COG5: variants seen among roughly 807,000 people sequenced by gnomAD.
COG5 encodes the protein component of oligomeric golgi complex 5.
In COG5, 86 loss-of-function variants were observed where a neutral mutation model predicts 110.4. That is an observed-to-expected ratio of 0.78 (90% CI 0.65 to 0.93). COG5 has a LOEUF of 0.93. Ranked by LOEUF, COG5 falls within the 40% of genes least tolerant of loss-of-function variation. COG5 has a pLI of 0.00. For synonymous variants in COG5, 360 were observed against 334.6 expected (o/e 1.08, Z -0.83); for missense variants, 1,077 against 987.0 (o/e 1.09, Z -1.22).
At chr7:107,224,639 G>A (rs976757804) in intron 19 of COG5, among the ~76,000 whole-genome samples, 7 of 152,228 alleles carry the variant, frequency 4.6e-5, no homozygotes, top group African/African-American at 1.7e-4. Context: ...GCCTCACAAA[G>A]ATCTATACTG....
At chr7:107,233,988 A>G (rs2116434300) in intron 18 of COG5, among the ~76,000 whole-genome samples, 1 of 152,286 alleles carries the variant, frequency 6.6e-6, no homozygotes, top group Admixed American at 6.5e-5. Context: ...ACCATGACAT[A>G]ACAGTAGAAC....
chr7:107,225,044 A>G (rs1248748790), intron 19 of COG5, among the ~76,000 whole-genome samples: 2 of 152,198 alleles, frequency 1.3e-5, no homozygotes, highest in Non-Finnish European at 2.9e-5. Context: ...GTGTGTGTGT[A>G]TGTATGAGGG....
intron 10 of COG5, among the ~76,000 whole-genome samples, chr7:107,345,677 T>C (rs1306825924): frequency 6.6e-6 from 1 of 152,156 alleles, no homozygotes; most frequent in Non-Finnish European, 1.5e-5. Flanking sequence ...GGTAATACTA[T>C]TTTTGTACTG....
intron 21 of COG5, chr7:107,208,449 A>C: frequency 1.0e-6 from 1 of 985,450 alleles, no homozygotes; most frequent in Non-Finnish European, 1.2e-6. Flanking sequence ...GACAAAAATG[A>C]CCAACTTGTT....
chr7:107,236,993 T>C (rs996126877), intron 17 of COG5, among the ~76,000 whole-genome samples: 3 of 152,220 alleles, frequency 2.0e-5, no homozygotes, highest in African/African-American at 4.8e-5. Context: ...TGCTACTCTC[T>C]GGCCTCTCAA....
chr7:107,294,996 TACACATCTATATATAC>T (rs1356716305), intron 12 of COG5, among the ~76,000 whole-genome samples: 20 of 126,384 alleles, frequency 1.6e-4, no homozygotes, highest in African/African-American at 5.9e-4. Flanking sequence ...TACACACATA[TACACATCTATATATAC>T]ACACATATAT....
At chr7:107,434,814 C>CA (rs745891418) in intron 6 of COG5, among the ~76,000 whole-genome samples, 1 of 151,752 alleles carries the variant, frequency 6.6e-6, no homozygotes, top group Non-Finnish European at 1.5e-5. Context: ...ACTAAAAATA[C>CA]AAAAAATTAG....
At chr7:107,334,548 C>T (rs796989514) in intron 10 of COG5, among the ~76,000 whole-genome samples, 15 of 151,744 alleles carry the variant, frequency 9.9e-5, no homozygotes, top group Admixed American at 8.5e-4. Context: ...CAAAAGAAAC[C>T]AGTACTATAT....
chr7:107,370,412 C>T (rs1434014840), intron 8 of COG5, among the ~76,000 whole-genome samples: 1 of 152,130 alleles, frequency 6.6e-6, no homozygotes, highest in East Asian at 1.9e-4. Context: ...TTCCAACAAA[C>T]AAGGACATTC....
At chr7:107,509,320 A>C (rs2129142655) in intron 6 of COG5, among the ~76,000 whole-genome samples, 2 of 152,322 alleles carry the variant, frequency 1.3e-5, no homozygotes, top group South Asian at 4.1e-4. Context: ...AAATGAATGA[A>C]CTGAAGCGAG....
chr7:107,434,612 TA>T (rs1215249898), intron 6 of COG5, among the ~76,000 whole-genome samples: 1 of 151,864 alleles, frequency 6.6e-6, no homozygotes, highest in Non-Finnish European at 1.5e-5. Context: ...GATAAAATTT[TA>T]AAAAAAGATA....
intron 5 of COG5, among the ~76,000 whole-genome samples, chr7:107,530,761 A>G (rs748348875): frequency 6.6e-6 from 1 of 152,196 alleles, no homozygotes; most frequent in Non-Finnish European, 1.5e-5. Flanking sequence ...AAGTTGATCT[A>G]TAAGGCATCA....
chr7:107,311,554 C>A (rs556440343), intron 11 of COG5, among the ~76,000 whole-genome samples: 8 of 149,582 alleles, frequency 5.3e-5, no homozygotes, highest in Admixed American at 4.6e-4. Context: ...CCACCGCGCC[C>A]GGCTAATTTT....
At chr7:107,404,786 C>G (rs899559125) in intron 7 of COG5, among the ~76,000 whole-genome samples, 1 of 145,362 alleles carries the variant, frequency 6.9e-6, no homozygotes, top group Non-Finnish European at 1.5e-5. Context: ...CTCAGTGAAG[C>G]AGGAATTAAG....
chr7:107,532,583 A>G (rs1801293161), intron 5 of COG5, among the ~76,000 whole-genome samples: 1 of 152,216 alleles, frequency 6.6e-6, no homozygotes. Flanking sequence ...ATGACATTAA[A>G]GAATCTCAAG....
At chr7:107,295,243 TA>T (rs963946860) in intron 12 of COG5, among the ~76,000 whole-genome samples, 25 of 150,088 alleles carry the variant, frequency 1.7e-4, no homozygotes, top group Non-Finnish European at 3.6e-4. Context: ...TACCCAGTCT[TA>T]ATTTTCCTAA....
At chr7:107,315,018 T>G (rs1458467564) in intron 11 of COG5, among the ~76,000 whole-genome samples, 1 of 152,166 alleles carries the variant, frequency 6.6e-6, no homozygotes, top group African/African-American at 2.4e-5. Context: ...ACAAAATACT[T>G]CCATTGCAAG....
intron 6 of COG5, among the ~76,000 whole-genome samples, chr7:107,436,258 A>G (rs1794360942): frequency 1.3e-5 from 2 of 152,342 alleles, no homozygotes; most frequent in South Asian, 4.1e-4. Flanking sequence ...CATACAGCGA[A>G]TTATTCAGCC....
intron 7 of COG5, among the ~76,000 whole-genome samples, chr7:107,387,350 C>T (rs536262715): frequency 2.0e-5 from 3 of 152,240 alleles, no homozygotes; most frequent in Admixed American, 6.5e-5. Flanking sequence ...GAAGGTCCAC[C>T]CAGCCAGCAG....
Sources: gnomAD v4.1 joint callset for allele counts (sites outside exome capture counted in the v4.1 genomes callset) on GRCh38, gnomAD v4.1.1 for gene constraint, MANE v1.5 for transcripts, NCBI Gene and HGNC (gene_info 2026-07-23, HGNC 2026-07-21) for gene names.